Variants in OR7E24 observed in about 807,000 individuals in gnomAD.
OR7E24 encodes olfactory receptor family 7 subfamily E member 24.
For synonymous variants in OR7E24, 130 were observed against 157.5 expected (o/e 0.83, Z 1.31); for missense variants, 385 against 410.3 (o/e 0.94, Z 0.53).
upstream of OR7E24, among the ~76,000 whole-genome samples, chr19:9,243,864 G>A (rs187842024): frequency 5.6e-4 from 85 of 152,342 alleles, no homozygotes; most frequent in Middle Eastern, 6.8e-3. Flanking sequence ...CAGGGAAGGA[G>A]GGGAGGCCTT....
upstream of OR7E24, among the ~76,000 whole-genome samples, chr19:9,244,149 G>T (rs1340787635): frequency 2.6e-5 from 4 of 152,178 alleles, no homozygotes; most frequent in Non-Finnish European, 5.9e-5. Flanking sequence ...CAGTGTATTT[G>T]AAAAACCTTG....
At chr19:9,211,856 A>C in the OR7E24 span, 1 of 151,126 alleles carries the variant, frequency 6.6e-6, no homozygotes, top group African/African-American at 2.4e-5. Flanking sequence ...TGGTTCATTC[A>C]ATGGATTTGC....
At chr19:9,227,295 T>A in the OR7E24 span, among the ~76,000 whole-genome samples, 1 of 151,934 alleles carries the variant, frequency 6.6e-6, no homozygotes, top group African/African-American at 2.4e-5. Flanking sequence ...AGTGGCACGA[T>A]CTCGGCTCAC....
chr19:9,215,267 C>T, the OR7E24 span, among the ~76,000 whole-genome samples: 3 of 149,804 alleles, frequency 2.0e-5, no homozygotes, highest in East Asian at 2.0e-4. Context: ...CGCTTGAACC[C>T]AGGAGGCGGA....
upstream of OR7E24, among the ~76,000 whole-genome samples, chr19:9,250,619 G>T (rs541524458): frequency 6.6e-6 from 1 of 152,310 alleles, no homozygotes; most frequent in African/African-American, 2.4e-5. Flanking sequence ...CATGATCCTA[G>T]ATCTCATTGA....
At chr19:9,238,589 A>ACAATTGTAATCGAG in the OR7E24 span, among the ~76,000 whole-genome samples, 20 of 152,158 alleles carry the variant, frequency 1.3e-4, no homozygotes, top group Admixed American at 1.3e-3. Context: ...ATTTGTTATT[A>ACAATTGTAATCGAG]ACTATATTCA....
At chr19:9,239,691 CTTTCTT>C in the OR7E24 span, among the ~76,000 whole-genome samples, 1 of 145,630 alleles carries the variant, frequency 6.9e-6, no homozygotes, top group South Asian at 2.2e-4. Flanking sequence ...TCTTAATATT[CTTTCTT>C]TTTCTTTTTC....
At chr19:9,239,338 AT>A in the OR7E24 span, among the ~76,000 whole-genome samples, 1 of 151,322 alleles carries the variant, frequency 6.6e-6, no homozygotes, top group Non-Finnish European at 1.5e-5. Flanking sequence ...CCTGGCAAAT[AT>A]TTTTTGTATT....
At chr19:9,246,015 C>T (rs1382214215), upstream of OR7E24, among the ~76,000 whole-genome samples, 3 of 134,572 alleles carry the variant, frequency 2.2e-5, no homozygotes, top group Non-Finnish European at 4.7e-5. Flanking sequence ...ATTTTTTTTT[C>T]GCTTCGGCGA....
chr19:9,232,592 T>A, the OR7E24 span, among the ~76,000 whole-genome samples: 3 of 148,266 alleles, frequency 2.0e-5, no homozygotes, highest in Admixed American at 6.7e-5. Flanking sequence ...ACGGCACACC[T>A]GGTCCAACCA....
upstream of OR7E24, among the ~76,000 whole-genome samples, chr19:9,242,969 A>G (rs1189386549): frequency 3.4e-5 from 5 of 148,186 alleles, no homozygotes; most frequent in Admixed American, 3.4e-4. Context: ...TTTATTTCCC[A>G]TAATTGCAGT....
At chr19:9,228,791 A>G in the OR7E24 span, among the ~76,000 whole-genome samples, 1 of 152,222 alleles carries the variant, frequency 6.6e-6, no homozygotes, top group Non-Finnish European at 1.5e-5. Flanking sequence ...TGGTTAAACC[A>G]CAAAGGGTTC....
At chr19:9,235,982 T>C in the OR7E24 span, 3 of 1,612,314 alleles carry the variant, frequency 1.9e-6, no homozygotes, top group Middle Eastern at 1.7e-4. Flanking sequence ...ATGTACGCCA[T>C]GGTCACCCCC....
rs1382368071 is a variant in OR7E24, at chr19:9,252,283, G to A, written c.*220G>A. 5.0e-6 allele frequency: 2 copies of A among 400,960 alleles called. No individual in the cohort carries two copies. The highest frequency in any genetic ancestry group is 9.0e-6 in the Non-Finnish European group (2 of 222,898). 24.8% of individuals were successfully genotyped at this position (400,960 alleles called of 1,614,324 possible). ...ACCTAGACAGCCTCCTTTAGTATCT[G>A]TGCAATGACCTTGATATCCAGGTGC... On this transcript the variant is annotated 3_prime_UTR_variant, in exon 1 of 1. Coordinates refer to ENST00000456448, the MANE Select transcript of OR7E24 (RefSeq NM_001079935.2).
At chr19:9,217,391 T>C in the OR7E24 span, among the ~76,000 whole-genome samples, 2 of 152,132 alleles carry the variant, frequency 1.3e-5, no homozygotes, top group Non-Finnish European at 2.9e-5. Flanking sequence ...GGAAAAAAGG[T>C]TGTTACTATT....
chr19:9,247,026 A>T (rs563006010), upstream of OR7E24, among the ~76,000 whole-genome samples: 13 of 152,342 alleles, frequency 8.5e-5, no homozygotes, highest in East Asian at 2.3e-3. Context: ...CATTTTATAT[A>T]AAACCATTTA....
chr19:9,225,557 C>A, the OR7E24 span, among the ~76,000 whole-genome samples: 4 of 152,162 alleles, frequency 2.6e-5, no homozygotes, highest in Non-Finnish European at 4.4e-5. Context: ...GGGACACTAC[C>A]TATATCAGTG....
chr19:9,228,073 A>T, the OR7E24 span, among the ~76,000 whole-genome samples: 1 of 152,192 alleles, frequency 6.6e-6, no homozygotes, highest in African/African-American at 2.4e-5. Context: ...TTCTGTCTTT[A>T]GGTCTGTGAG....
At chr19:9,237,607 G>A in the OR7E24 span, among the ~76,000 whole-genome samples, 1 of 152,032 alleles carries the variant, frequency 6.6e-6, no homozygotes, top group Non-Finnish European at 1.5e-5. Context: ...GAGCCACCGC[G>A]CCCGGCCTAG....
Sources: gnomAD v4.1 joint callset for allele counts (sites outside exome capture counted in the v4.1 genomes callset) on GRCh38, gnomAD v4.1.1 for gene constraint, MANE v1.5 for transcripts, NCBI Gene and HGNC (gene_info 2026-07-23, HGNC 2026-07-21) for gene names.